BBX: variants seen among roughly 807,000 people sequenced by gnomAD.
The protein encoded by BBX is BBX high mobility group box domain containing, also known as HMG box transcription factor BBX.
A neutral mutation model predicts 100.2 loss-of-function variants in BBX; 30 were observed. The observed-to-expected ratio is 0.30, with a 90% CI of 0.22 to 0.41. The LOEUF (loss-of-function observed/expected upper bound fraction) is 0.41. Among genes scored for constraint, BBX ranks in the 10% least tolerant of loss-of-function variants. The probability of loss-of-function intolerance (pLI) is 1.00; values close to 1 mark genes in which losing one functional copy is unlikely to be tolerated. For missense variants in BBX, 1,023 were observed against 1,129.8 expected (o/e 0.91, Z 1.35); for synonymous variants, 376 against 388.1 (o/e 0.97, Z 0.37).
intron 2 of BBX, among the ~76,000 whole-genome samples, chr3:107,574,641 G>A (rs932160167): frequency 3.3e-5 from 5 of 152,086 alleles, no homozygotes; most frequent in African/African-American, 1.2e-4. Context: ...GAGCAATATT[G>A]TAAAATCCAC....
At chr3:107,774,569 C>T (rs746556223) in intron 11 of BBX, 150 bp from the exon 12 acceptor site, 1 of 756,536 alleles carries the variant, frequency 1.3e-6, no homozygotes, top group East Asian at 2.7e-5. Context: ...GATGGTCCAG[C>T]ATGAATCACT....
chr3:107,605,373 C>CTT (rs1361648217), intron 2 of BBX, among the ~76,000 whole-genome samples: 3 of 50,382 alleles, frequency 6.0e-5, no homozygotes, highest in African/African-American at 2.7e-4. Context: ...TCTTCACTTT[C>CTT]TATTTTTTTT....
chr3:107,626,656 T>A (rs2056199869), intron 2 of BBX, among the ~76,000 whole-genome samples: 2 of 12,110 alleles, frequency 1.7e-4, no homozygotes, highest in Admixed American at 2.4e-3. Flanking sequence ...TCCATAGGAT[T>A]TTTTTTTTTT....
At position 107,710,638 on chromosome 3, in the gene BBX, A is replaced by T. The variant is rs890609230; in HGVS notation, c.162+16A>T. On this transcript the variant is annotated intron_variant, in intron 4 of 17. Coordinates refer to ENST00000325805, the MANE Select transcript of BBX (RefSeq NM_001142568.3). ...TATTGATAAGGTAAGTCCTATATTTACCATAGAAGTTTCAAGTTTATTAGA... is the reference window on the plus strand; with the variant it reads ...TATTGATAAGGTAAGTCCTATATTTTCCATAGAAGTTTCAAGTTTATTAGA... The T allele has an allele frequency of 1.5e-5, 23 of 1,572,988 alleles. No individual in the cohort carries two copies. The highest frequency in any genetic ancestry group is 5.6e-5 in the Admixed American group (3 of 53,674).
chr3:107,682,831 T>G (rs972900584), intron 3 of BBX, among the ~76,000 whole-genome samples: 2 of 152,158 alleles, frequency 1.3e-5, no homozygotes, highest in Admixed American at 1.3e-4. Flanking sequence ...TGTGAAAAGA[T>G]GTCACGTTGT....
At position 107,772,893 on chromosome 3, in the gene BBX, A is replaced by C. The variant is rs765678560; in HGVS notation, c.1172A>C (p.Glu391Ala). 6.2e-7 allele frequency: 1 copy of C among 1,610,838 alleles called. No individual in the cohort carries two copies. The highest frequency in any genetic ancestry group is 1.7e-5 in the Admixed American group (1 of 59,474). ...GCTATAAAAATGGAAGATCCCAAAG[A>C]AATTAGAAAGGAAGAGTTAGAAGAA... is the stretch of plus-strand genomic sequence containing the variant. ...IMAIKMEDPKEIRKEELEEDH... is the reference protein window; with the variant it reads ...IMAIKMEDPKAIRKEELEEDH... Residue 391 changes from glutamate (E) to alanine (A), a missense_variant, in exon 11 of 18, where the codon GAA becomes GCA. Around this residue, in one of 9 missense-constraint regions of BBX, gnomAD observed 348 missense variants for 353.2 expected, o/e 0.99. Transcript: ENST00000325805.
At chr3:107,684,342 T>G (rs180811317) in intron 3 of BBX, among the ~76,000 whole-genome samples, 3 of 152,200 alleles carry the variant, frequency 2.0e-5, no homozygotes, top group African/African-American at 7.2e-5. Context: ...AATAAAAAAC[T>G]TAAACTATGT....
At chr3:107,765,754 G>A (rs913771280) in intron 10 of BBX, among the ~76,000 whole-genome samples, 4 of 152,150 alleles carry the variant, frequency 2.6e-5, no homozygotes, top group African/African-American at 9.7e-5. Context: ...TCCAGTAGGC[G>A]GCACTGGCTG....
At chr3:107,699,296 G>A (rs1314406074) in intron 3 of BBX, among the ~76,000 whole-genome samples, 3 of 151,870 alleles carry the variant, frequency 2.0e-5, no homozygotes, top group African/African-American at 4.9e-5. Context: ...CCAGGTTCCA[G>A]GAGGTGGGAG....
chr3:107,791,157 G>A, intron 14 of BBX, 83 bp from the exon 15 acceptor site: 1 of 1,132,590 alleles, frequency 8.8e-7, no homozygotes. Context: ...AAGTTAGTTT[G>A]TATATCATCT....
chr3:107,713,203 CT>C (rs1229214401), intron 4 of BBX, among the ~76,000 whole-genome samples: 2 of 152,170 alleles, frequency 1.3e-5, no homozygotes, highest in Non-Finnish European at 2.9e-5. Context: ...TTGTTTCTGC[CT>C]CATAAATATT....
intron 2 of BBX, among the ~76,000 whole-genome samples, chr3:107,547,105 A>G (rs974092678): frequency 2.0e-5 from 3 of 152,202 alleles, no homozygotes; most frequent in Non-Finnish European, 4.4e-5. Flanking sequence ...ATGAGGTAGT[A>G]TAAGAGAAGT....
intron 2 of BBX, among the ~76,000 whole-genome samples, chr3:107,611,546 A>AT (rs1244229566): frequency 6.6e-6 from 1 of 152,168 alleles, no homozygotes; most frequent in Admixed American, 6.5e-5. Flanking sequence ...CCCTTTAAAT[A>AT]TGTCATGCCA....
chr3:107,743,184 T>C (rs1408817650), intron 7 of BBX, among the ~76,000 whole-genome samples: 1 of 152,202 alleles, frequency 6.6e-6, no homozygotes, highest in East Asian at 1.9e-4. Flanking sequence ...TAAGCTTGAA[T>C]GTAAGTAAAA....
intron 8 of BBX, among the ~76,000 whole-genome samples, chr3:107,747,297 T>G (rs1042016422): frequency 6.6e-5 from 10 of 152,120 alleles, no homozygotes; most frequent in African/African-American, 2.4e-4. Flanking sequence ...AGAAAATGCT[T>G]TTCATATTTA....
intron 5 of BBX, among the ~76,000 whole-genome samples, chr3:107,724,351 G>A (rs1241569932): frequency 1.3e-5 from 2 of 152,114 alleles, no homozygotes; most frequent in Admixed American, 6.5e-5. Flanking sequence ...CTCCCATTCT[G>A]TAGGTTGCCT....
intron 10 of BBX, among the ~76,000 whole-genome samples, chr3:107,755,969 G>A (rs879488299): frequency 6.6e-5 from 10 of 152,186 alleles, no homozygotes; most frequent in Non-Finnish European, 1.2e-4. Context: ...GAACACAGAA[G>A]AGTATCTGTG....
At chr3:107,669,733 A>G (rs1222245038) in intron 3 of BBX, among the ~76,000 whole-genome samples, 2 of 152,198 alleles carry the variant, frequency 1.3e-5, no homozygotes, top group Admixed American at 1.3e-4. Context: ...AAGGCAGTAT[A>G]TATGAGGTAC....
chr3:107,636,566 A>C (rs1396066346), intron 2 of BBX, among the ~76,000 whole-genome samples: 1 of 152,208 alleles, frequency 6.6e-6, no homozygotes, highest in Non-Finnish European at 1.5e-5. Context: ...TATTACAGGT[A>C]TCTCTCAGGC....
Sources: gnomAD v4.1 joint callset for allele counts (sites outside exome capture counted in the v4.1 genomes callset) on GRCh38, gnomAD v4.1.1 for gene constraint, gnomAD v4.1.1 regional missense constraint, MANE v1.5 for transcripts, NCBI Gene and HGNC (gene_info 2026-07-23, HGNC 2026-07-21) for gene names.